Variants in MAST1 observed in about 807,000 individuals in gnomAD.
The protein encoded by MAST1 is microtubule-associated serine/threonine-protein kinase 1.
A neutral mutation model predicts 124.6 loss-of-function variants in MAST1; 40 were observed. That is an observed-to-expected ratio of 0.32 (90% CI 0.25 to 0.42). The LOEUF (loss-of-function observed/expected upper bound fraction) is 0.42. MAST1 is among the 10% of genes least tolerant of loss of function. MAST1 has a pLI of 1.00. For missense variants in MAST1, 1,558 were observed against 2,181.9 expected (o/e 0.71, Z 5.70); for synonymous variants, 938 against 939.4 (o/e 1.00, Z 0.03).
chr19:12,843,957 G>A lies in MAST1; in HGVS notation c.327+350G>A, dbSNP rs189339339. 2.6e-5 allele frequency among the ~76,000 whole-genome samples: 4 copies of A among 152,108 alleles called. No homozygotes were observed. Among genetic ancestry groups the A allele is most frequent in the African/African-American group, 9.7e-5 (4 of 41,402 alleles). ...TATAGGCTACAGTTGAGCTGAGATCGCACTGCAGCATTCCAGTCTGGATGA... is the reference window on the plus strand; with the variant it reads ...TATAGGCTACAGTTGAGCTGAGATCACACTGCAGCATTCCAGTCTGGATGA... On this transcript the variant is annotated intron_variant, in intron 4 of 25. Coordinates refer to ENST00000251472, the MANE Select transcript of MAST1 (RefSeq NM_014975.3). This position sits in a 1 kb window ranked among gnomAD's most constrained non-coding sequence, Gnocchi z 4.9.
chr19:12,860,460 T>G (rs1257691006), intron 12 of MAST1, among the ~76,000 whole-genome samples: 9 of 147,162 alleles, frequency 6.1e-5, no homozygotes, highest in Admixed American at 6.1e-4. Flanking sequence ...TTTTTTTTTT[T>G]TTTGAGACAG....
intron 12 of MAST1, among the ~76,000 whole-genome samples, chr19:12,862,126 T>A (rs1970091738): frequency 6.6e-6 from 1 of 151,586 alleles, no homozygotes; most frequent in Admixed American, 6.6e-5. Flanking sequence ...TGCCTCAGTC[T>A]CCCGAGTAGC....
At position 12,874,594 on chromosome 19, in the gene MAST1, C is replaced by G; in HGVS notation, c.4437C>G (p.Arg1479=). ...CCGAGGCCCCCCGGGGCCGGGAGCGCTGGGTGTTGGAGGTGGTGGAGGAGC... is the reference window on the plus strand; with the variant it reads ...CCGAGGCCCCCCGGGGCCGGGAGCGGTGGGTGTTGGAGGTGGTGGAGGAGC... The part of the protein sequence containing the change: ...SVPEAPRGRE[R]WVLEVVEERT... Residue 1479 remains arginine, a synonymous_variant, in exon 26 of 26, where the codon CGC becomes CGG. Transcript: ENST00000251472. This position sits in a 1 kb window ranked among gnomAD's most constrained non-coding sequence, Gnocchi z 6.6. 1 of 1,510,772 alleles carries G rather than the reference C, an allele frequency of 6.6e-7. No homozygotes were observed. The highest frequency in any genetic ancestry group is 8.8e-7 in the Non-Finnish European group (1 of 1,130,812). 93.6% of individuals were successfully genotyped at this position (1,510,772 alleles called of 1,614,324 possible). A position where few individuals can be genotyped will look rare whatever the true frequency, so the allele number is the denominator to read the frequency against.
intron 12 of MAST1, among the ~76,000 whole-genome samples, chr19:12,860,769 C>A (rs1007528629): frequency 1.3e-5 from 2 of 152,088 alleles, no homozygotes; most frequent in East Asian, 3.9e-4. Flanking sequence ...TTAATCCATC[C>A]GTGCATGTAT....
intron 10 of MAST1, among the ~76,000 whole-genome samples, chr19:12,855,312 C>T (rs1970005569): frequency 6.6e-6 from 1 of 151,988 alleles, no homozygotes; most frequent in African/African-American, 2.4e-5. Context: ...TGGGTTTGGG[C>T]CTTCTCTTGA....
chr19:12,874,644 C>G lies in MAST1; in HGVS notation c.4487C>G (p.Ser1496Cys). Reference protein sequence around the residue: ...EERTTLSGPRSKPASPKLSPE... With the variant: ...EERTTLSGPRCKPASPKLSPE... ...CGCACCACGCTGAGCGGTCCTCGCTCCAAGCCCGCCTCCCCAAAGCTCTCC... is the reference window on the plus strand; with the variant it reads ...CGCACCACGCTGAGCGGTCCTCGCTGCAAGCCCGCCTCCCCAAAGCTCTCC... Residue 1496 changes from serine to cysteine, a missense_variant, in exon 26 of 26, where the codon TCC becomes TGC. Around this residue, in one of 10 missense-constraint regions of MAST1, gnomAD observed 168 missense variants for 154.3 expected, o/e 1.09. Transcript: ENST00000251472. This position sits in a 1 kb window ranked among gnomAD's most constrained non-coding sequence, Gnocchi z 6.6. 6.5e-7 allele frequency: 1 copy of G among 1,527,142 alleles called. No homozygotes were observed. Among genetic ancestry groups the G allele is most frequent in the Non-Finnish European group, 8.8e-7 (1 of 1,135,042 alleles). 94.6% of individuals were successfully genotyped at this position (1,527,142 alleles called of 1,614,324 possible). A position where few individuals can be genotyped will look rare whatever the true frequency, so the allele number is the denominator to read the frequency against.
chr19:12,845,976 G>T (rs1969889988), intron 4 of MAST1, among the ~76,000 whole-genome samples: 1 of 151,114 alleles, frequency 6.6e-6, no homozygotes, highest in Non-Finnish European at 1.5e-5. Flanking sequence ...CCAGAACTTT[G>T]AGAGGCCAAA....
In MAST1 at chr19:12,866,595, G is replaced by A. The variant is rs1392315018; in HGVS notation, c.2030-58G>A. 3.5e-6 allele frequency: 4 copies of A among 1,134,280 alleles called. No individual in the cohort carries two copies. The highest frequency in any genetic ancestry group is 5.3e-6 in the Non-Finnish European group (4 of 760,030). The allele number at this position is 1,134,280 out of a possible 1,614,324, so 70.3% of individuals were successfully genotyped here. On this transcript the variant is annotated intron_variant, in intron 17 of 25. Transcript: ENST00000251472. This position sits in a 1 kb window ranked among gnomAD's most constrained non-coding sequence, Gnocchi z 5.2. The stretch of plus-strand genomic sequence containing the variant: ...TTGAACCAGGACTGGGCTCCTGTGG[G>A]GATGTGATATGAGGAGGAACCCCGT...
Position 12,874,215 on chromosome 19 carries a change from C to G in MAST1, c.4058C>G (p.Pro1353Arg). Residue 1353 changes from proline (P) to arginine (R), a missense_variant, in exon 26 of 26, where the codon CCA becomes CGA. By Grantham distance (103) the Pro-to-Arg change is moderately radical (BLOSUM62 -2). Transcript: ENST00000251472. This position sits in a 1 kb window ranked among gnomAD's most constrained non-coding sequence, Gnocchi z 6.6. ...TTGCTGCCCGAGGGTGCCTCCAGGC[C>G]ACCAGTGTCGAGCAAGGAGAAGGAA... ...DPLLPEGASR[P>R]PVSSKEKESP... The G allele has an allele frequency of 1.3e-6, 2 of 1,546,316 alleles. No individual in the cohort carries two copies. Among genetic ancestry groups the G allele is most frequent in the Non-Finnish European group, 1.7e-6 (2 of 1,148,618 alleles).
At position 12,866,180 on chromosome 19, in the gene MAST1, G is replaced by A. The variant is rs1599589128; in HGVS notation, c.2029+78G>A. 4 of 1,587,316 alleles carry A rather than the reference G, an allele frequency of 2.5e-6. No homozygotes were observed. In the East Asian group the frequency reaches 9.1e-5, roughly 36 times the overall value. On this transcript the variant is annotated intron_variant, in intron 17 of 25. Coordinates refer to ENST00000251472, the MANE Select transcript of MAST1 (RefSeq NM_014975.3). This position sits in a 1 kb window ranked among gnomAD's most constrained non-coding sequence, Gnocchi z 5.2. ...GGGACCCTGGGGTAAGTAAAGCCTG[G>A]GATAGGGCCTGGCTAAGTACCAAGA...
intron 12 of MAST1, among the ~76,000 whole-genome samples, chr19:12,860,325 C>T (rs899054062): frequency 3.3e-5 from 5 of 151,830 alleles, no homozygotes; most frequent in Non-Finnish European, 5.9e-5. Flanking sequence ...ACCGTGTTGG[C>T]CAGGATGGTC....
intron 7 of MAST1, among the ~76,000 whole-genome samples, chr19:12,850,562 G>C (rs1969948120): frequency 6.6e-6 from 1 of 152,090 alleles, no homozygotes; most frequent in Admixed American, 6.6e-5. Flanking sequence ...TACTGTCCTG[G>C]TTTTAATGAA....
At chr19:12,849,214 A>C (rs1969932792) in intron 7 of MAST1, among the ~76,000 whole-genome samples, 1 of 152,032 alleles carries the variant, frequency 6.6e-6, no homozygotes, top group South Asian at 2.1e-4. Flanking sequence ...GGTACTCAAT[A>C]AATGTTGGGT....
At chr19:12,849,396 G>C (rs1355553370) in intron 7 of MAST1, among the ~76,000 whole-genome samples, 3 of 152,172 alleles carry the variant, frequency 2.0e-5, no homozygotes, top group Non-Finnish European at 4.4e-5. Flanking sequence ...AGGCGAGGTT[G>C]CTCACGCCTT....
chr19:12,855,452 T>C (rs1323270241), intron 10 of MAST1, among the ~76,000 whole-genome samples: 1 of 151,816 alleles, frequency 6.6e-6, no homozygotes, highest in Non-Finnish European at 1.5e-5. Flanking sequence ...CAAGACCCTG[T>C]CTCTACTTAA....
chr19:12,846,194 C>T (rs983916870), intron 4 of MAST1, among the ~76,000 whole-genome samples: 6 of 151,994 alleles, frequency 3.9e-5, no homozygotes, highest in Non-Finnish European at 7.4e-5. Flanking sequence ...ACAAGGAGAC[C>T]GTGTCTCTCT....
At chr19:12,857,086 GA>G (rs1189037763) in intron 10 of MAST1, among the ~76,000 whole-genome samples, 1 of 151,970 alleles carries the variant, frequency 6.6e-6, no homozygotes, top group African/African-American at 2.4e-5. Flanking sequence ...GTGAGATTGA[GA>G]ATTTTTTTTT....
At position 12,874,657 on chromosome 19, in the gene MAST1, C is replaced by G; in HGVS notation, c.4500C>G (p.Ser1500=). 1 of 1,535,204 alleles carries G rather than the reference C, an allele frequency of 6.5e-7. No homozygotes were observed. Among genetic ancestry groups the G allele is most frequent in the Non-Finnish European group, 8.8e-7 (1 of 1,137,684 alleles). ...TLSGPRSKPA[S]PKLSPEPQTP... is the part of the protein sequence containing the mutation. ...GCGGTCCTCGCTCCAAGCCCGCCTC[C>G]CCAAAGCTCTCCCCGGAGCCCCAGA... is the stretch of plus-strand genomic sequence containing the variant. Residue 1500 remains serine (S), a synonymous_variant, in exon 26 of 26, where the codon TCC becomes TCG. Coordinates refer to ENST00000251472, the MANE Select transcript of MAST1 (RefSeq NM_014975.3). The surrounding 1 kb of genome is among the most constrained non-coding windows in gnomAD (Gnocchi z 6.6).
At chr19:12,859,600 A>G (rs950681034) in intron 12 of MAST1, among the ~76,000 whole-genome samples, 5 of 151,898 alleles carry the variant, frequency 3.3e-5, no homozygotes, top group African/African-American at 1.2e-4. Context: ...GGGGTTCAAG[A>G]CCAGCCTGGC....
Sources: gnomAD v4.1 joint callset for allele counts (sites outside exome capture counted in the v4.1 genomes callset) on GRCh38, gnomAD v4.1.1 for gene constraint, gnomAD v4.1.1 regional missense constraint, Gnocchi (gnomAD v3.1) non-coding constraint, MANE v1.5 for transcripts, NCBI Gene and HGNC (gene_info 2026-07-23, HGNC 2026-07-21) for gene names.